The following BMAL2 variants were observed in gnomAD, a reference collection of about 807,000 sequenced individuals.
The protein encoded by BMAL2 is basic helix-loop-helix ARNT like 2.
the BMAL2 span, among the ~76,000 whole-genome samples, chr12:27,355,184 T>C: frequency 6.6e-6 from 1 of 152,198 alleles, no homozygotes; most frequent in Non-Finnish European, 1.5e-5. Flanking sequence ...GTTTTAATCT[T>C]CTGCTGACCT....
the BMAL2 span, among the ~76,000 whole-genome samples, chr12:27,363,714 C>G: frequency 6.6e-6 from 1 of 152,044 alleles, no homozygotes; most frequent in Non-Finnish European, 1.5e-5. Flanking sequence ...GAATATTAAC[C>G]CTTTGTTGTT....
At chr12:27,340,240 CA>C in the BMAL2 span, among the ~76,000 whole-genome samples, 2 of 152,144 alleles carry the variant, frequency 1.3e-5, no homozygotes, top group African/African-American at 4.8e-5. Context: ...TTGGATTTTA[CA>C]TTTAAGTCTT....
chr12:27,412,708 C>A, the BMAL2 span, among the ~76,000 whole-genome samples: 2 of 151,920 alleles, frequency 1.3e-5, no homozygotes, highest in Non-Finnish European at 2.9e-5. Flanking sequence ...CACACACACA[C>A]ACACACACAA....
At chr12:27,391,069 A>T in the BMAL2 span, among the ~76,000 whole-genome samples, 6 of 152,106 alleles carry the variant, frequency 3.9e-5, no homozygotes, top group African/African-American at 7.2e-5. Context: ...TTCTTTTTTT[A>T]AAAATTTTCA....
chr12:27,356,601 A>G, the BMAL2 span, among the ~76,000 whole-genome samples: 1 of 152,200 alleles, frequency 6.6e-6, no homozygotes, highest in African/African-American at 2.4e-5. Context: ...GGGAAGTAGA[A>G]ATGAGAAAAA....
the BMAL2 span, among the ~76,000 whole-genome samples, chr12:27,363,112 C>A: frequency 6.6e-6 from 1 of 152,280 alleles, no homozygotes; most frequent in East Asian, 1.9e-4. Context: ...ACCTGGCCAG[C>A]ATTATGTTTT....
the BMAL2 span, chr12:27,422,706 C>T: frequency 6.6e-6 from 1 of 152,172 alleles, no homozygotes; most frequent in Admixed American, 6.5e-5. Context: ...ATGAAAGATC[C>T]CCTGTGTTCT....
At chr12:27,400,471 A>G in the BMAL2 span, 1 of 1,341,732 alleles carries the variant, frequency 7.5e-7, no homozygotes, top group South Asian at 1.7e-5. Flanking sequence ...AGATGTCAAT[A>G]TAAGAAATTT....
chr12:27,379,880 T>C, the BMAL2 span, among the ~76,000 whole-genome samples: 9 of 151,896 alleles, frequency 5.9e-5, no homozygotes, highest in African/African-American at 2.2e-4. Flanking sequence ...AATAATGAGG[T>C]TAAGATGCTG....
At chr12:27,387,405 C>A in the BMAL2 span, 1 of 877,038 alleles carries the variant, frequency 1.1e-6, no homozygotes, top group Non-Finnish European at 1.9e-6. Flanking sequence ...TGAACACCTT[C>A]TCCCCACTGG....
At chr12:27,408,432 G>C in the BMAL2 span, among the ~76,000 whole-genome samples, 1 of 152,182 alleles carries the variant, frequency 6.6e-6, no homozygotes, top group African/African-American at 2.4e-5. Flanking sequence ...TGCAAGGCTG[G>C]TTCAACATAC....
the BMAL2 span, chr12:27,403,620 T>C: frequency 6.1e-6 from 5 of 813,840 alleles, no homozygotes; most frequent in East Asian, 1.1e-4. Context: ...ATCAGTAGCC[T>C]TCCTATATAC....
chr12:27,416,586 G>A, the BMAL2 span, among the ~76,000 whole-genome samples: 1 of 152,258 alleles, frequency 6.6e-6, no homozygotes, highest in East Asian at 1.9e-4. Flanking sequence ...TCTAAAGCAG[G>A]TCTGTAAATC....
the BMAL2 span, among the ~76,000 whole-genome samples, chr12:27,410,588 C>T: frequency 6.6e-6 from 1 of 151,890 alleles, no homozygotes; most frequent in African/African-American, 2.4e-5. Flanking sequence ...CACACCAGGG[C>T]CTGTTGTGGG....
the BMAL2 span, chr12:27,403,655 G>A: frequency 5.8e-6 from 3 of 519,848 alleles, no homozygotes; most frequent in Non-Finnish European, 6.5e-6. Flanking sequence ...TTAATATAAT[G>A]GAAAATATTA....
At chr12:27,410,072 G>T in the BMAL2 span, among the ~76,000 whole-genome samples, 3 of 151,214 alleles carry the variant, frequency 2.0e-5, no homozygotes, top group East Asian at 5.8e-4. Context: ...TTAGAATGGC[G>T]ATCATTAAAA....
the BMAL2 span, among the ~76,000 whole-genome samples, chr12:27,360,936 C>T: frequency 6.6e-5 from 10 of 150,440 alleles, no homozygotes; most frequent in South Asian, 1.5e-3. Context: ...GTAATTTAAA[C>T]GTTTACACAG....
At chr12:27,395,220 C>T in the BMAL2 span, among the ~76,000 whole-genome samples, 1 of 152,236 alleles carries the variant, frequency 6.6e-6, no homozygotes, top group Non-Finnish European at 1.5e-5. Flanking sequence ...AAATATGGAA[C>T]TAGAAGTCAC....
the BMAL2 span, among the ~76,000 whole-genome samples, chr12:27,409,685 C>A: frequency 6.4e-3 from 968 of 152,238 alleles, 4 homozygotes; most frequent in Middle Eastern, 0.02. Context: ...TAGGCATGGG[C>A]AAGGACTTCA....
Sources: gnomAD v4.1 joint callset for allele counts (sites outside exome capture counted in the v4.1 genomes callset) on GRCh38, gnomAD v4.1.1 for gene constraint, MANE v1.5 for transcripts, NCBI Gene and HGNC (gene_info 2026-07-23, HGNC 2026-07-21) for gene names.